The following DCLRE1A variants were observed in gnomAD, a reference collection of about 807,000 sequenced individuals.
The protein encoded by DCLRE1A is DNA cross-link repair 1A.
Under a neutral mutation model 91.9 loss-of-function variants are expected in DCLRE1A, and 64 were observed. The observed-to-expected ratio is 0.70, with a 90% CI of 0.57 to 0.86. DCLRE1A has a LOEUF of 0.86. DCLRE1A is among the 40% of genes least tolerant of loss of function. The pLI is 0.00. For synonymous variants in DCLRE1A, 416 were observed against 431.1 expected (o/e 0.96, Z 0.43); for missense variants, 1,145 against 1,213.3 (o/e 0.94, Z 0.84).
chr10:113,835,949 A>T (rs1355888805), intron 8 of DCLRE1A, among the ~76,000 whole-genome samples: 1 of 152,156 alleles, frequency 6.6e-6, no homozygotes, highest in African/African-American at 2.4e-5. Context: ...AATTAAAAAA[A>T]AATAATAAGA....
intron 7 of DCLRE1A, among the ~76,000 whole-genome samples, chr10:113,840,071 A>G (rs973485597): frequency 2.0e-5 from 3 of 152,172 alleles, no homozygotes; most frequent in African/African-American, 4.8e-5. Flanking sequence ...AGGCGGGCAG[A>G]CCACTTGAGC....
chr10:113,844,367 A>G, intron 4 of DCLRE1A, 123 bp from the exon 5 acceptor site: 1 of 1,248,542 alleles, frequency 8.0e-7, no homozygotes, highest in Non-Finnish European at 1.1e-6. Flanking sequence ...GCATTGCACT[A>G]CAGGAAATGC....
At chr10:113,844,482 C>T (rs1218898095) in intron 4 of DCLRE1A, among the ~76,000 whole-genome samples, 1 of 152,182 alleles carries the variant, frequency 6.6e-6, no homozygotes, top group African/African-American at 2.4e-5. Context: ...AGCATGTCTT[C>T]AGGACTGGCC....
intron 8 of DCLRE1A, among the ~76,000 whole-genome samples, chr10:113,836,608 G>A (rs1845366342): frequency 6.6e-6 from 1 of 152,070 alleles, no homozygotes; most frequent in African/African-American, 2.4e-5. Flanking sequence ...CTGGTCTGGT[G>A]ACACCCCAAA....
In DCLRE1A at chr10:113,847,128, T is replaced by C. The variant is rs17235150; in HGVS notation, c.2259+74A>G. ...GAATGAAAGATCTTACTGGTTTAAT[T>C]ATTATTTTTTAACCAAATTGCTTAG... On this transcript the variant is annotated intron_variant, in intron 3 of 8. Coordinates refer to ENST00000361384, the MANE Select transcript of DCLRE1A (RefSeq NM_014881.5). The C allele has an allele frequency of 4.0e-3, 5,351 of 1,345,230 alleles. 166 individuals are homozygous for C. In the African/African-American group the frequency reaches 0.066, roughly 17 times the overall value. 83.3% of individuals were successfully genotyped at this position (1,345,230 alleles called of 1,614,324 possible).
intron 4 of DCLRE1A, among the ~76,000 whole-genome samples, chr10:113,845,228 A>G (rs1845515011): frequency 6.6e-6 from 1 of 152,202 alleles, no homozygotes; most frequent in South Asian, 2.1e-4. Context: ...TCCAAGAAAA[A>G]AAAGTCTTCC....
In DCLRE1A at chr10:113,850,220, G is replaced by A. The variant is rs1264796872; in HGVS notation, c.885C>T (p.Asp295=). The change falls in exon 2 of 9, where the codon GAC becomes GAT. Residue 295 remains aspartate (D), a synonymous_variant. Coordinates refer to ENST00000361384, the MANE Select transcript of DCLRE1A (RefSeq NM_014881.5). ...GAAGTGGAGAATAGGAGATTTCACA[G>A]TCACTGAAGTCATTTTCTGGCAATG... The part of the protein sequence containing the change: ...NLPLPENDFS[D]CEISYSPLQS... The A allele has an allele frequency of 1.2e-6, 2 of 1,614,138 alleles. No individual in the cohort carries two copies. The highest frequency in any genetic ancestry group is 1.7e-6 in the Non-Finnish European group (2 of 1,180,010).
chr10:113,849,112 T>A lies in DCLRE1A; in HGVS notation c.1993A>T (p.Asn665Tyr). The A allele has an allele frequency of 6.2e-7, 1 of 1,614,166 alleles. No individual in the cohort carries two copies. Among genetic ancestry groups the A allele is most frequent in the Non-Finnish European group, 8.5e-7 (1 of 1,180,022 alleles). ...GTGAAGACTTTGACTTTACTTAAAT[T>A]GACTGCTTCAGATTCTGTATTAATA... ...HLINTESEAV[N>Y]LSKVKVFTKS... The change falls in exon 2 of 9, where the codon AAT (asparagine) becomes TAT (tyrosine). Residue 665 changes from asparagine to tyrosine, a missense_variant. By Grantham distance (143) the Asn-to-Tyr change is moderately radical (BLOSUM62 -2). Coordinates refer to ENST00000361384, the MANE Select transcript of DCLRE1A (RefSeq NM_014881.5).
At chr10:113,847,949 G>A (rs1589526299) in intron 2 of DCLRE1A, among the ~76,000 whole-genome samples, 1 of 152,176 alleles carries the variant, frequency 6.6e-6, no homozygotes, top group African/African-American at 2.4e-5. Context: ...GACTGGCGAT[G>A]TGCAAATAAA....
rs1845634731 is a variant in DCLRE1A, at chr10:113,850,624, A to G, written c.481T>C (p.Cys161Arg). The G allele has an allele frequency of 6.2e-7, 1 of 1,606,932 alleles. No homozygotes were observed. The highest frequency in any genetic ancestry group is 1.7e-5 in the Admixed American group (1 of 59,290). Reference protein sequence around the residue: ...SETECPDGLLCTSTIPFHYKR... With the variant: ...SETECPDGLLRTSTIPFHYKR... ...TAATGAAAAGGAATGGTTGAGGTAC[A>G]CAGAAGACCATCAGGACACTCTGAA... The change falls in exon 2 of 9, where the codon TGT (cysteine) becomes CGT (arginine). Residue 161 changes from cysteine (C) to arginine (R), a missense_variant. By Grantham distance (180) the Cys-to-Arg change is radical (BLOSUM62 -3). Coordinates refer to ENST00000361384, the MANE Select transcript of DCLRE1A (RefSeq NM_014881.5).
chr10:113,836,912 A>ATCAGTT (rs1212049676), intron 8 of DCLRE1A, 150 bp downstream of exon 8: 2 of 649,690 alleles, frequency 3.1e-6, no homozygotes, highest in East Asian at 5.7e-5. Context: ...AATGGACTAG[A>ATCAGTT]TACAGGATTA....
chr10:113,847,785 A>G (rs983280902), intron 2 of DCLRE1A, among the ~76,000 whole-genome samples: 13 of 152,024 alleles, frequency 8.6e-5, no homozygotes, highest in African/African-American at 3.1e-4. Flanking sequence ...CGTATCTACC[A>G]TCTTTGAATT....
In DCLRE1A at chr10:113,854,015, T is replaced by C. The variant is rs543793403; in HGVS notation, c.-833A>G. 1.3e-5 allele frequency: 2 copies of C among 152,306 alleles called. No individual in the cohort carries two copies. Among genetic ancestry groups the C allele is most frequent in the Admixed American group, 6.5e-5 (1 of 15,280 alleles). The allele number at this position is 152,306 out of a possible 1,614,324, so 9.4% of individuals were successfully genotyped here. On this transcript the variant is annotated 5_prime_UTR_variant, in exon 1 of 9. Transcript: ENST00000361384. ...ACACGCCAGCCTCTCCCTTATCTTT[T>C]GGCATTAGAGGCTGGGAGGCCAGGA...
intron 7 of DCLRE1A, among the ~76,000 whole-genome samples, chr10:113,839,405 T>G (rs933121942): frequency 1.3e-5 from 2 of 151,900 alleles, no homozygotes; most frequent in African/African-American, 4.8e-5. Context: ...AAAAAAACTT[T>G]TCACAATATG....
intron 7 of DCLRE1A, among the ~76,000 whole-genome samples, chr10:113,837,851 T>C (rs1215297872): frequency 1.3e-5 from 2 of 152,086 alleles, no homozygotes; most frequent in African/African-American, 2.4e-5. Flanking sequence ...TTGATAAAAC[T>C]CTTAGAAAAT....
Position 113,847,192 on chromosome 10 carries a change from T to C in DCLRE1A, c.2259+10A>G. ...TCTACAAAGTCAAAAGTTAGAATAC[T>C]AAAACTTACCTCACTACAATAAACT... On this transcript the variant is annotated intron_variant, in intron 3 of 8. Coordinates refer to ENST00000361384, the MANE Select transcript of DCLRE1A (RefSeq NM_014881.5). 6.3e-7 allele frequency: 1 copy of C among 1,592,342 alleles called. No individual in the cohort carries two copies. Among genetic ancestry groups the C allele is most frequent in the African/African-American group, 1.3e-5 (1 of 74,752 alleles).
At chr10:113,852,369 G>A (rs1382904061) in intron 1 of DCLRE1A, among the ~76,000 whole-genome samples, 1 of 152,144 alleles carries the variant, frequency 6.6e-6, no homozygotes, top group African/African-American at 2.4e-5. Flanking sequence ...CAAGTTATCT[G>A]ACTTTTAAGA....
chr10:113,839,457 C>A (rs1242877648), intron 7 of DCLRE1A, among the ~76,000 whole-genome samples: 7 of 150,618 alleles, frequency 4.6e-5, no homozygotes, highest in Non-Finnish European at 1.0e-4. Flanking sequence ...AATGTATCAT[C>A]TATTCAAAAA....
intron 3 of DCLRE1A, 23 bp from the exon 4 acceptor site, chr10:113,845,826 T>G (rs769129947): frequency 1.3e-5 from 20 of 1,558,956 alleles, no homozygotes; most frequent in Non-Finnish European, 1.8e-5. Context: ...ACGTGCTTAT[T>G]GCTGATGCAG....
Sources: gnomAD v4.1 joint callset for allele counts (sites outside exome capture counted in the v4.1 genomes callset) on GRCh38, gnomAD v4.1.1 for gene constraint, MANE v1.5 for transcripts, NCBI Gene and HGNC (gene_info 2026-07-23, HGNC 2026-07-21) for gene names.